The following HS6ST1 variants were observed in gnomAD, a reference collection of about 807,000 sequenced individuals.
HS6ST1 encodes the protein heparan-sulfate 6-O-sulfotransferase 1.
In HS6ST1, 3 loss-of-function variants were observed where a neutral mutation model predicts 25.2. The observed-to-expected ratio is 0.12, with a 90% CI of 0.05 to 0.31. The LOEUF is 0.31. HS6ST1 is among the 10% of genes least tolerant of loss of function. HS6ST1 has a pLI of 1.00. For missense variants in HS6ST1, 310 were observed against 609.6 expected (o/e 0.51, Z 5.18); for synonymous variants, 204 against 275.1 (o/e 0.74, Z 2.56).
At chr2:128,276,280 T>A (rs1378340946) in intron 1 of HS6ST1, among the ~76,000 whole-genome samples, 1 of 152,154 alleles carries the variant, frequency 6.6e-6, no homozygotes, top group Non-Finnish European at 1.5e-5. Flanking sequence ...CGTGGTGGCA[T>A]GCACCACCAC....
chr2:128,293,888 G>A (rs371036449), intron 1 of HS6ST1, among the ~76,000 whole-genome samples: 14 of 152,326 alleles, frequency 9.2e-5, no homozygotes, highest in African/African-American at 3.4e-4. Context: ...AGTGTGGAAT[G>A]GCCATGCTGA....
intron 1 of HS6ST1, among the ~76,000 whole-genome samples, chr2:128,277,105 C>T (rs769831173): frequency 3.3e-5 from 5 of 152,152 alleles, no homozygotes; most frequent in Admixed American, 6.5e-5. Flanking sequence ...GTTGGTTCAC[C>T]GTCCAGGAGT....
At chr2:128,270,887 T>C (rs942987412) in intron 1 of HS6ST1, among the ~76,000 whole-genome samples, 6 of 152,212 alleles carry the variant, frequency 3.9e-5, no homozygotes, top group African/African-American at 1.2e-4. Flanking sequence ...AGGGTGACTC[T>C]GAGGGCAAGG....
chr2:128,301,490 T>C (rs114880968), intron 1 of HS6ST1, among the ~76,000 whole-genome samples: 289 of 152,230 alleles, frequency 1.9e-3, no homozygotes, highest in Admixed American at 3.5e-3. Context: ...CAGCTCAGAA[T>C]GGAAAATTGC....
intron 1 of HS6ST1, among the ~76,000 whole-genome samples, chr2:128,272,524 G>A (rs1003249823): frequency 3.3e-5 from 5 of 152,130 alleles, no homozygotes; most frequent in South Asian, 2.1e-4. Flanking sequence ...CCACGTGTCC[G>A]ACGGCAGCAT....
intron 1 of HS6ST1, among the ~76,000 whole-genome samples, chr2:128,293,333 G>A (rs1693989101): frequency 1.3e-5 from 2 of 152,248 alleles, no homozygotes; most frequent in Admixed American, 6.5e-5. Flanking sequence ...GCAAGGCCTG[G>A]GAATGGCTAA....
intron 1 of HS6ST1, among the ~76,000 whole-genome samples, chr2:128,281,845 G>T (rs1350686092): frequency 6.6e-6 from 1 of 152,222 alleles, no homozygotes; most frequent in African/African-American, 2.4e-5. Context: ...AACTCCTGGC[G>T]CTTTACCCAG....
chr2:128,280,608 G>A (rs1230242140), intron 1 of HS6ST1, among the ~76,000 whole-genome samples: 1 of 152,272 alleles, frequency 6.6e-6, no homozygotes, highest in Non-Finnish European at 1.5e-5. Flanking sequence ...GGCGGCAGCA[G>A]GCTGGGGAGC....
intron 1 of HS6ST1, among the ~76,000 whole-genome samples, chr2:128,305,944 G>T (rs185392299): frequency 7.9e-5 from 12 of 152,306 alleles, no homozygotes; most frequent in Non-Finnish European, 1.2e-4. Context: ...CACACGCCTG[G>T]CTCCCCCACT....
At chr2:128,282,176 C>A (rs560535899) in intron 1 of HS6ST1, among the ~76,000 whole-genome samples, 20 of 152,368 alleles carry the variant, frequency 1.3e-4, no homozygotes, top group Admixed American at 1.1e-3. Flanking sequence ...GAACAAAAAT[C>A]ACAGCCCGTT....
chr2:128,312,474 T>C (rs1694306352), intron 1 of HS6ST1, among the ~76,000 whole-genome samples: 1 of 152,210 alleles, frequency 6.6e-6, no homozygotes, highest in Non-Finnish European at 1.5e-5. Flanking sequence ...CCATGGCTTG[T>C]CACGCCTGTT....
At chr2:128,273,687 C>G (rs1029222841) in intron 1 of HS6ST1, among the ~76,000 whole-genome samples, 2 of 152,280 alleles carry the variant, frequency 1.3e-5, no homozygotes, top group African/African-American at 4.8e-5. Flanking sequence ...CCAGCTGCGC[C>G]TTGCCCTGTC....
chr2:128,278,211 C>G (rs1693724792), intron 1 of HS6ST1, among the ~76,000 whole-genome samples: 1 of 152,260 alleles, frequency 6.6e-6, no homozygotes, highest in Non-Finnish European at 1.5e-5. Context: ...GTGCCTGTCT[C>G]TCACTCCTCC....
intron 1 of HS6ST1, among the ~76,000 whole-genome samples, chr2:128,309,021 A>G (rs1694250493): frequency 6.6e-6 from 1 of 152,162 alleles, no homozygotes; most frequent in Admixed American, 6.5e-5. Context: ...CATTTTACAG[A>G]TGGGGAACCT....
Position 128,318,822 on chromosome 2 carries a change from C to A in HS6ST1, c.-259G>T, listed in dbSNP as rs3991330. ...CCCGGCCAGCACAGCGCTCTCCGCGCCCCCAGCACCAGCCCGCTCCGCTCC... is the reference window on the plus strand; with the variant it reads ...CCCGGCCAGCACAGCGCTCTCCGCGACCCCAGCACCAGCCCGCTCCGCTCC... On this transcript the variant is annotated 5_prime_UTR_variant, in exon 1 of 2. Coordinates refer to ENST00000259241, the MANE Select transcript of HS6ST1 (RefSeq NM_004807.3). The surrounding 1 kb of genome is among the most constrained non-coding windows in gnomAD (Gnocchi z 5.7). 1.7e-4 allele frequency among the ~76,000 whole-genome samples: 25 copies of A among 146,960 alleles called. No homozygotes were observed. Among genetic ancestry groups the A allele is most frequent in the Admixed American group, 5.4e-4 (8 of 14,842 alleles).
At chr2:128,292,679 T>C (rs972594591) in intron 1 of HS6ST1, among the ~76,000 whole-genome samples, 5 of 145,976 alleles carry the variant, frequency 3.4e-5, no homozygotes, top group Non-Finnish European at 7.4e-5. Flanking sequence ...CCCTGTGCAG[T>C]GGCTCCAGAT....
At chr2:128,269,012 C>A in intron 1 of HS6ST1, 142 bp from the exon 2 acceptor site, 1 of 706,282 alleles carries the variant, frequency 1.4e-6, no homozygotes, top group Non-Finnish European at 2.5e-6. Flanking sequence ...AGCTCTCAGT[C>A]GTTTCAAAAC....
intron 1 of HS6ST1, among the ~76,000 whole-genome samples, chr2:128,303,747 C>G (rs1302004218): frequency 6.6e-6 from 1 of 152,204 alleles, no homozygotes; most frequent in African/African-American, 2.4e-5. Context: ...AGTGTGGGTG[C>G]CCAGGTCCTC....
intron 1 of HS6ST1, chr2:128,289,574 T>C (rs973351529): frequency 2.6e-5 from 4 of 152,224 alleles, no homozygotes; most frequent in South Asian, 2.1e-4. Context: ...CGGCGCGCCA[T>C]TGGCAGCACC....
Sources: gnomAD v4.1 joint callset for allele counts (sites outside exome capture counted in the v4.1 genomes callset) on GRCh38, gnomAD v4.1.1 for gene constraint, Gnocchi (gnomAD v3.1) non-coding constraint, MANE v1.5 for transcripts, NCBI Gene and HGNC (gene_info 2026-07-23, HGNC 2026-07-21) for gene names.